Variants in DCC observed in about 807,000 individuals in gnomAD.
DCC encodes the protein netrin receptor DCC.
DCC carries 58 observed loss-of-function variants against 172.5 expected under a neutral mutation model. That is an observed-to-expected ratio of 0.34 (90% confidence interval 0.27 to 0.42). The LOEUF (loss-of-function observed/expected upper bound fraction) is 0.42, where lower values mean the gene tolerates loss of function less well. DCC is among the 10% of genes least tolerant of loss of function. The probability of loss-of-function intolerance (pLI) is 1.00; values close to 1 mark genes in which losing one functional copy is unlikely to be tolerated. For synonymous variants in DCC, 709 were observed against 644.5 expected (o/e 1.10, Z -1.52); for missense variants, 1,740 against 1,791.0 (o/e 0.97, Z 0.51).
intron 14 of DCC, among the ~76,000 whole-genome samples, chr18:53,333,185 C>T (rs1460229097): frequency 6.6e-6 from 1 of 152,056 alleles, no homozygotes; most frequent in African/African-American, 2.4e-5. Context: ...AATACACAAA[C>T]AGCCTTTAAA....
intron 1 of DCC, among the ~76,000 whole-genome samples, chr18:52,726,423 C>T (rs186898286): frequency 3.9e-5 from 6 of 152,206 alleles, no homozygotes; most frequent in Admixed American, 3.9e-4. Flanking sequence ...ATTGATTTCA[C>T]TATTTGTAGC....
chr18:53,207,910 C>A, intron 11 of DCC, 93 bp downstream of exon 11: 1 of 1,243,642 alleles, frequency 8.0e-7, no homozygotes, highest in Non-Finnish European at 1.2e-6. Context: ...ATTCCATTTT[C>A]AAGGCTTCCT....
At chr18:53,223,457 C>T (rs1039268623) in intron 12 of DCC, among the ~76,000 whole-genome samples, 1 of 152,058 alleles carries the variant, frequency 6.6e-6, no homozygotes, top group Non-Finnish European at 1.5e-5. Context: ...GCAAAGCTCA[C>T]TTTAGCCTTT....
chr18:53,361,339 T>C (rs1055009403), intron 15 of DCC, among the ~76,000 whole-genome samples: 1 of 152,176 alleles, frequency 6.6e-6, no homozygotes, highest in Non-Finnish European at 1.5e-5. Context: ...ACCGTAGTTG[T>C]TGGACTTTCC....
At chr18:52,650,493 A>G (rs1378353037) in intron 1 of DCC, among the ~76,000 whole-genome samples, 2 of 152,082 alleles carry the variant, frequency 1.3e-5, no homozygotes, top group African/African-American at 4.8e-5. Flanking sequence ...GTGTATTAGC[A>G]TGCCGTTTTT....
intron 7 of DCC, among the ~76,000 whole-genome samples, chr18:53,126,842 C>T (rs376691124): frequency 1.3e-5 from 2 of 152,026 alleles, no homozygotes; most frequent in African/African-American, 4.8e-5. Context: ...GGAAGAAAAA[C>T]AAAAATCGAA....
chr18:52,707,632 G>A (rs1369898946), intron 1 of DCC, among the ~76,000 whole-genome samples: 2 of 152,158 alleles, frequency 1.3e-5, no homozygotes, highest in Non-Finnish European at 2.9e-5. Flanking sequence ...ATCAAAGGAT[G>A]AATGTGATAA....
intron 2 of DCC, among the ~76,000 whole-genome samples, chr18:52,867,253 T>C (rs1404296462): frequency 1.3e-5 from 2 of 152,184 alleles, no homozygotes; most frequent in Non-Finnish European, 2.9e-5. Context: ...TGGATAAGCT[T>C]TTTGATGTGC....
intron 27 of DCC, among the ~76,000 whole-genome samples, chr18:53,501,356 C>T (rs560094445): frequency 1.4e-4 from 21 of 152,264 alleles, no homozygotes; most frequent in African/African-American, 5.1e-4. Flanking sequence ...CATCTTTTCC[C>T]TGCTCTCCTG....
intron 2 of DCC, among the ~76,000 whole-genome samples, chr18:52,808,021 A>G (rs1956551439): frequency 1.3e-5 from 2 of 152,170 alleles, no homozygotes; most frequent in South Asian, 4.1e-4. Flanking sequence ...GGTTGCTGTG[A>G]CCGCTAATGC....
intron 13 of DCC, among the ~76,000 whole-genome samples, chr18:53,313,928 G>A (rs368546686): frequency 3.9e-5 from 6 of 152,100 alleles, no homozygotes; most frequent in Admixed American, 6.6e-5. Flanking sequence ...TGTATTCTGC[G>A]CCAAAATCGC....
At chr18:53,114,636 A>G (rs528797483) in intron 7 of DCC, among the ~76,000 whole-genome samples, 1 of 151,626 alleles carries the variant, frequency 6.6e-6, no homozygotes, top group Non-Finnish European at 1.5e-5. Context: ...GAACAGAAAA[A>G]TATATTCTCT....
At chr18:52,391,917 C>T (rs1986043879) in intron 1 of DCC, among the ~76,000 whole-genome samples, 1 of 152,246 alleles carries the variant, frequency 6.6e-6, no homozygotes, top group African/African-American at 2.4e-5. Flanking sequence ...ACAGACTGCA[C>T]CACTGGGACA....
At chr18:52,751,107 G>A (rs2036987690) in intron 1 of DCC, among the ~76,000 whole-genome samples, 1 of 152,054 alleles carries the variant, frequency 6.6e-6, no homozygotes, top group African/African-American at 2.4e-5. Context: ...AGATACCGAG[G>A]GACATTGTAG....
rs375516595 is a variant in DCC at position 53,255,108 on chromosome 18, G to A, written c.1911+39511G>A. Among the ~76,000 whole-genome samples, 129 of 152,096 alleles carry A rather than the reference G, an allele frequency of 8.5e-4. 1 individual carries two copies. Among genetic ancestry groups the A allele is most frequent in the African/African-American group, 2.8e-3 (115 of 41,528 alleles). ...ACACCCAAGATATTCCCAGGGATCA[G>A]CTGGGAAGCATTCACTTCTAGCTTC... On this transcript the variant is annotated intron_variant, in intron 12 of 28. Transcript: ENST00000442544.
At chr18:52,868,360 T>G (rs1325077451) in intron 2 of DCC, among the ~76,000 whole-genome samples, 1 of 152,140 alleles carries the variant, frequency 6.6e-6, no homozygotes, top group Admixed American at 6.5e-5. Flanking sequence ...CTCCCAGAAG[T>G]AGGCTAAGAT....
At chr18:52,346,627 A>G (rs938222805) in intron 1 of DCC, among the ~76,000 whole-genome samples, 11 of 152,316 alleles carry the variant, frequency 7.2e-5, no homozygotes, top group African/African-American at 2.2e-4. Context: ...GGAATTTGCC[A>G]ATGGTAATAC....
chr18:52,354,723 GAA>G (rs1161955075), intron 1 of DCC, among the ~76,000 whole-genome samples: 1 of 152,144 alleles, frequency 6.6e-6, no homozygotes, highest in Non-Finnish European at 1.5e-5. Flanking sequence ...CATGAAATCT[GAA>G]GTTTCTTTCT....
intron 5 of DCC, among the ~76,000 whole-genome samples, chr18:53,020,146 CT>C (rs2041859864): frequency 6.6e-6 from 1 of 152,048 alleles, no homozygotes; most frequent in Admixed American, 6.6e-5. Context: ...ATTGCTAACC[CT>C]TCTACCTTTT....
Sources: allele counts gnomAD v4.1 joint callset (sites outside exome capture counted in the v4.1 genomes callset), GRCh38; gene constraint gnomAD v4.1.1; transcripts MANE v1.5; gene names NCBI Gene and HGNC (gene_info 2026-07-23, HGNC 2026-07-21).